The following TFRC variants were observed in gnomAD, a reference collection of about 807,000 sequenced individuals.
TFRC encodes the protein transferrin receptor protein 1.
A neutral mutation model predicts 85.8 loss-of-function variants in TFRC; 35 were observed. The observed-to-expected ratio is 0.41, with a 90% CI of 0.31 to 0.54. TFRC has a LOEUF of 0.54. TFRC is among the 20% of genes least tolerant of loss of function. The pLI, the probability that TFRC is intolerant of heterozygous loss-of-function variation, is 0.31. For synonymous variants in TFRC, 362 were observed against 328.6 expected (o/e 1.10, Z -1.10); for missense variants, 828 against 921.5 (o/e 0.90, Z 1.31).
chr3:196,074,405 C>A (rs886673582), intron 3 of TFRC: 1 of 250,932 alleles, frequency 4.0e-6, no homozygotes, highest in Non-Finnish European at 7.5e-6. Flanking sequence ...CAGTGTCCTG[C>A]GGATATTTTC....
rs34221479 is a variant in TFRC, at chr3:196,071,729, T to C, written c.585-231A>G. Among the ~76,000 whole-genome samples the C allele has an allele frequency of 0.47, 71,879 of 152,010 alleles. 18,995 individuals carry two copies. Among genetic ancestry groups the C allele is most frequent in the Non-Finnish European group, 0.61 (41,322 of 67,958 alleles). On this transcript the variant is annotated intron_variant, in intron 5 of 18. Coordinates refer to ENST00000360110, the MANE Select transcript of TFRC (RefSeq NM_001128148.3). The stretch of plus-strand genomic sequence containing the variant: ...ACCTGAGGTCAAAAGTTCGAGACCA[T>C]CCCACCTCTACTAAAAATACAAAAA...
At chr3:196,052,291 AC>A in intron 18 of TFRC, 107 bp from the exon 19 acceptor site, 143 of 883,134 alleles carry the variant, frequency 1.6e-4, no homozygotes, top group Non-Finnish European at 2.0e-4. Flanking sequence ...TGCCGATCAG[AC>A]TTTTTTTTTT....
Position 196,055,313 on chromosome 3 carries a change from C to A in TFRC, c.1678-12G>T, listed in dbSNP as rs419059. The A allele has an allele frequency of 1.2e-6, 2 of 1,609,058 alleles. No homozygotes were observed. The highest frequency in any genetic ancestry group is 1.7e-6 in the Non-Finnish European group (2 of 1,175,700). ...GGATAATCTGTGTCCTGCAAGACAA[C>A]GCGAGGCTATGGTACTCACGTGAGT... On this transcript the variant is annotated splice_polypyrimidine_tract_variant and intron_variant, in intron 16 of 18. Transcript: ENST00000360110.
intron 16 of TFRC, among the ~76,000 whole-genome samples, chr3:196,057,300 T>C (rs1716876794): frequency 6.6e-6 from 1 of 152,224 alleles, no homozygotes; most frequent in African/African-American, 2.4e-5. Flanking sequence ...CGTCCTGTTC[T>C]GTTCTGTTCT....
rs772407869 is a variant in TFRC at position 196,052,175 on chromosome 3, G to A, written c.2050C>T (p.His684Tyr). Residue 684 changes from histidine (H) to tyrosine (Y), a missense_variant, in exon 19 of 19, where the codon CAC (histidine) becomes TAC (tyrosine). His to Tyr is a moderately conservative substitution (Grantham distance 83). Transcript: ENST00000360110. ...GGAGATACGTAGGGAGAGAGGAAGT[G>A]ATACTCCACCTACGAAAACAACACA... ...LNDRVMRVEYHFLSPYVSPKE... is the reference protein window; with the variant it reads ...LNDRVMRVEYYFLSPYVSPKE... The A allele has an allele frequency of 7.3e-5, 118 of 1,612,902 alleles. No homozygotes were observed. The highest frequency in any genetic ancestry group is 1.0e-4 in the Non-Finnish European group (118 of 1,179,454).
chr3:196,050,235 A>G lies in TFRC; in HGVS notation c.*1707T>C, dbSNP rs971507972. 8.9e-6 allele frequency: 2 copies of G among 224,396 alleles called. No homozygotes were observed. Among genetic ancestry groups the G allele is most frequent in the Non-Finnish European group, 1.8e-5 (2 of 112,520 alleles). 13.9% of individuals were successfully genotyped at this position (224,396 alleles called of 1,614,324 possible). On this transcript the variant is annotated 3_prime_UTR_variant, in exon 19 of 19. Transcript: ENST00000360110. ...GCAAACATTATAAATGTATGCTACT[A>G]TCTCATTAAGTAGAGGACCTGGAGA...
intron 1 of TFRC, among the ~76,000 whole-genome samples, chr3:196,080,005 T>A (rs990843763): frequency 6.6e-6 from 1 of 152,232 alleles, no homozygotes; most frequent in Non-Finnish European, 1.5e-5. Context: ...TACTGGGGCA[T>A]GCCTGATGCA....
At chr3:196,062,323 G>GGA in intron 13 of TFRC, 1 of 410,736 alleles carries the variant, frequency 2.4e-6, no homozygotes, top group Admixed American at 4.4e-5. Flanking sequence ...CCTGAGGTCA[G>GGA]GAGTTCGAGA....
At position 196,062,511 on chromosome 3, in the gene TFRC, C is replaced by T. The variant is rs530933660; in HGVS notation, c.1468+71G>A. On this transcript the variant is annotated intron_variant, in intron 13 of 18. Coordinates refer to ENST00000360110, the MANE Select transcript of TFRC (RefSeq NM_001128148.3). ...TCGTGCCATTGCACTCCAGCCTGGG[C>T]GACAAGAGCAAAACTCCATCTCAAA... is the stretch of plus-strand genomic sequence containing the variant. 40 of 1,390,360 alleles carry T rather than the reference C, an allele frequency of 2.9e-5. No homozygotes were observed. In the South Asian group the frequency reaches 3.4e-4, roughly 12 times the overall value. The allele number at this position is 1,390,360 out of a possible 1,614,324, so 86.1% of individuals were successfully genotyped here. A position where few individuals can be genotyped will look rare whatever the true frequency, so the allele number is the denominator to read the frequency against.
At position 196,055,180 on chromosome 3, in the gene TFRC, T is replaced by G. The variant is rs1422866966; in HGVS notation, c.1799A>C (p.Lys600Thr). 6.2e-7 allele frequency: 1 copy of G among 1,614,092 alleles called. No individual in the cohort carries two copies. The highest frequency in any genetic ancestry group is 2.2e-5 in the East Asian group (1 of 44,896). ...AAEVAGQFVI[K>T]LTHDVELNLD... ...GTTCAATTCAACATCATGGGTTAGT[T>G]TAATCACGAACTGACCAGCGACCTC... Residue 600 changes from lysine to threonine, a missense_variant, in exon 17 of 19, where the codon AAA becomes ACA. Lys to Thr is a moderately conservative substitution (Grantham distance 78, BLOSUM62 -1). Transcript: ENST00000360110.
intron 3 of TFRC, among the ~76,000 whole-genome samples, chr3:196,074,878 CAAAAAAA>C (rs34596231): frequency 1.0e-5 from 1 of 98,752 alleles, no homozygotes; most frequent in Non-Finnish European, 2.0e-5. Flanking sequence ...GACTCCAACT[CAAAAAAA>C]AAAAAAAAAA....
At position 196,051,587 on chromosome 3, in the gene TFRC, C is replaced by T. The variant is rs191933212; in HGVS notation, c.*355G>A. 25 of 267,588 alleles carry T rather than the reference C, an allele frequency of 9.3e-5. No individual in the cohort carries two copies. The highest frequency in any genetic ancestry group is 5.4e-4 in the African/African-American group (25 of 45,992). 16.6% of individuals were successfully genotyped at this position (267,588 alleles called of 1,614,324 possible). ...ACTCAAAGTAAGCGACCACTTACAA[C>T]CTTCAGCAGAGACCAGCCCTTAGGA... On this transcript the variant is annotated 3_prime_UTR_variant, in exon 19 of 19. Transcript: ENST00000360110.
intron 9 of TFRC, 151 bp from the exon 10 acceptor site, chr3:196,065,751 G>A (rs1400951854): frequency 1.4e-6 from 1 of 728,274 alleles, no homozygotes; most frequent in African/African-American, 1.8e-5. Flanking sequence ...CAGCACTTTG[G>A]GAGGCTGAGG....
intron 17 of TFRC, 135 bp from the exon 18 acceptor site, chr3:196,053,693 C>CT: frequency 9.6e-7 from 1 of 1,045,014 alleles, no homozygotes; most frequent in Non-Finnish European, 1.4e-6. Flanking sequence ...CCGAAAGCAC[C>CT]TTGCACAGGG....
intron 1 of TFRC, among the ~76,000 whole-genome samples, chr3:196,081,123 T>G (rs565892251): frequency 6.6e-6 from 1 of 152,186 alleles, no homozygotes; most frequent in Non-Finnish European, 1.5e-5. Context: ...CAGCAGAATG[T>G]GACACAATCG....
At chr3:196,064,821 G>A (rs1197756269) in intron 10 of TFRC, among the ~76,000 whole-genome samples, 1 of 152,244 alleles carries the variant, frequency 6.6e-6, no homozygotes, top group Non-Finnish European at 1.5e-5. Context: ...AAGAGAGACT[G>A]TATAGCCTGG....
intron 6 of TFRC, among the ~76,000 whole-genome samples, chr3:196,070,243 A>G (rs528714011): frequency 6.6e-6 from 1 of 151,520 alleles, no homozygotes; most frequent in South Asian, 2.1e-4. Context: ...TCCACTAGAG[A>G]TACGCCTGAC....
chr3:196,059,244 G>A (rs911227312), intron 14 of TFRC, among the ~76,000 whole-genome samples: 2 of 152,182 alleles, frequency 1.3e-5, no homozygotes, highest in Admixed American at 1.3e-4. Flanking sequence ...AACCCAGGAG[G>A]TGGAGGCTGC....
chr3:196,072,487 G>C (rs1282959253), intron 4 of TFRC, among the ~76,000 whole-genome samples: 1 of 152,170 alleles, frequency 6.6e-6, no homozygotes, highest in Non-Finnish European at 1.5e-5. Flanking sequence ...GCTGAACAGA[G>C]TGCATAGTTT....
Sources: allele counts gnomAD v4.1 joint callset (sites outside exome capture counted in the v4.1 genomes callset), GRCh38; gene constraint gnomAD v4.1.1; transcripts MANE v1.5; gene names NCBI Gene and HGNC (gene_info 2026-07-23, HGNC 2026-07-21).